Variants in IMMP2L observed in about 807,000 individuals in gnomAD.
IMMP2L encodes inner mitochondrial membrane peptidase subunit 2, also known as mitochondrial inner membrane protease subunit 2.
In IMMP2L, 18 loss-of-function variants were observed where a neutral mutation model predicts 19.3. The observed-to-expected ratio is 0.93, with a 90% CI of 0.64 to 1.38. The LOEUF (loss-of-function observed/expected upper bound fraction) is 1.38. Among genes scored for constraint, IMMP2L ranks in the 40% most tolerant of loss-of-function variants. The pLI, the probability that IMMP2L is intolerant of heterozygous loss-of-function variation, is 0.00. For synonymous variants in IMMP2L, 76 were observed against 73.0 expected, an observed-to-expected ratio of 1.04 and a Z score of -0.21; for missense variants, 233 against 218.2, an observed-to-expected ratio of 1.07 and a Z score of -0.43.
chr7:111,270,302 T>C (rs762631937), intron 3 of IMMP2L, among the ~76,000 whole-genome samples: 5 of 152,202 alleles, frequency 3.3e-5, no homozygotes, highest in Non-Finnish European at 5.9e-5. Flanking sequence ...TCTCCCATTA[T>C]GATAAACTTC....
At chr7:110,807,625 T>C (rs1267267361) in intron 5 of IMMP2L, among the ~76,000 whole-genome samples, 2 of 152,070 alleles carry the variant, frequency 1.3e-5, no homozygotes, top group South Asian at 2.1e-4. Context: ...TAAATAAATA[T>C]ACATGAAGAC....
intron 3 of IMMP2L, among the ~76,000 whole-genome samples, chr7:111,482,840 A>G (rs1195950078): frequency 1.3e-5 from 2 of 152,158 alleles, no homozygotes; most frequent in Non-Finnish European, 2.9e-5. Context: ...GGCATCAAAC[A>G]TTAAAGAGGC....
At chr7:110,896,637 ACTGAGGTATTTTCGTATGTTAT>A (rs1811350482) in intron 4 of IMMP2L, among the ~76,000 whole-genome samples, 1 of 27,484 alleles carries the variant, frequency 3.6e-5, no homozygotes. Flanking sequence ...ATTTCAAAAT[ACTGAGGTATTTTCGTATGTTAT>A]TTTACATATA....
chr7:111,505,477 T>C (rs1162356384), intron 2 of IMMP2L, among the ~76,000 whole-genome samples: 1 of 152,146 alleles, frequency 6.6e-6, no homozygotes, highest in Non-Finnish European at 1.5e-5. Flanking sequence ...TTGCTGGGTA[T>C]ATACCCAAAG....
chr7:111,139,627 A>G (rs1428614061), intron 3 of IMMP2L, among the ~76,000 whole-genome samples: 1 of 152,174 alleles, frequency 6.6e-6, no homozygotes, highest in Non-Finnish European at 1.5e-5. Flanking sequence ...ATGCAAGTTA[A>G]TCATCTCTCC....
intron 5 of IMMP2L, among the ~76,000 whole-genome samples, chr7:110,832,279 AAAC>A (rs1434246795): frequency 8.4e-6 from 1 of 119,086 alleles, no homozygotes; most frequent in Non-Finnish European, 2.0e-5. Flanking sequence ...AAGAAAAAAC[AAAC>A]AAAAAAACCC....
chr7:110,807,109 TA>T (rs1178824048), intron 5 of IMMP2L, among the ~76,000 whole-genome samples: 7 of 152,130 alleles, frequency 4.6e-5, no homozygotes, highest in Middle Eastern at 3.4e-3. Context: ...CTCTTAGTTT[TA>T]AAATCTTACT....
At chr7:110,892,929 C>G (rs1009562143) in intron 4 of IMMP2L, among the ~76,000 whole-genome samples, 1 of 152,108 alleles carries the variant, frequency 6.6e-6, no homozygotes, top group Non-Finnish European at 1.5e-5. Context: ...CTACCCCACC[C>G]TCATCCTTGG....
chr7:111,014,023 T>C (rs1003849507), intron 3 of IMMP2L, among the ~76,000 whole-genome samples: 1 of 152,120 alleles, frequency 6.6e-6, no homozygotes, highest in African/African-American at 2.4e-5. Context: ...TTCATTATTT[T>C]GCTGGCAATT....
chr7:110,975,660 T>C (rs752664073), intron 3 of IMMP2L, among the ~76,000 whole-genome samples: 11 of 152,090 alleles, frequency 7.2e-5, no homozygotes, highest in African/African-American at 1.4e-4. Context: ...CATAATGACC[T>C]AGTGTCATAT....
intron 3 of IMMP2L, among the ~76,000 whole-genome samples, chr7:111,226,935 A>C (rs571993505): frequency 4.3e-4 from 65 of 152,140 alleles, no homozygotes; most frequent in Admixed American, 2.8e-3. Context: ...TCAAGATAAT[A>C]ATCAGTGGAG....
At chr7:110,699,241 A>G (rs903181064) in intron 5 of IMMP2L, among the ~76,000 whole-genome samples, 2 of 152,162 alleles carry the variant, frequency 1.3e-5, no homozygotes, top group Admixed American at 1.3e-4. Context: ...AGACTATGTG[A>G]CAACCTCAAC....
intron 3 of IMMP2L, among the ~76,000 whole-genome samples, chr7:111,159,961 CA>C (rs1306250723): frequency 6.6e-6 from 1 of 151,938 alleles, no homozygotes; most frequent in Non-Finnish European, 1.5e-5. Flanking sequence ...TCAAGTGCTC[CA>C]AAGCTAATGG....
At chr7:111,551,802 T>C (rs776541705) in intron 1 of IMMP2L, among the ~76,000 whole-genome samples, 33 of 151,980 alleles carry the variant, frequency 2.2e-4, no homozygotes, top group Non-Finnish European at 8.8e-5. Flanking sequence ...TAAGCACCAG[T>C]GAAGTACAAA....
intron 1 of IMMP2L, among the ~76,000 whole-genome samples, chr7:111,558,643 G>A (rs1421904602): frequency 6.6e-6 from 1 of 152,106 alleles, no homozygotes; most frequent in Non-Finnish European, 1.5e-5. Context: ...ACGTGGTCCA[G>A]CCATTCTAGG....
chr7:111,434,270 C>A (rs550709369), intron 3 of IMMP2L, among the ~76,000 whole-genome samples: 2 of 151,852 alleles, frequency 1.3e-5, no homozygotes, highest in African/African-American at 4.9e-5. Flanking sequence ...TGGACCCATA[C>A]CTGTCACAAA....
chr7:110,683,930 A>G (rs1297676024), intron 5 of IMMP2L, among the ~76,000 whole-genome samples: 1 of 152,142 alleles, frequency 6.6e-6, no homozygotes, highest in Non-Finnish European at 1.5e-5. Flanking sequence ...AGGGTCATTC[A>G]ACATTCAATC....
At chr7:110,731,810 G>T (rs1435354177) in intron 5 of IMMP2L, among the ~76,000 whole-genome samples, 1 of 152,094 alleles carries the variant, frequency 6.6e-6, no homozygotes, top group African/African-American at 2.4e-5. Context: ...CGATAAAAGG[G>T]ACTTAACTAA....
chr7:111,492,765 A>G (rs1337606303), intron 2 of IMMP2L, among the ~76,000 whole-genome samples: 1 of 152,216 alleles, frequency 6.6e-6, no homozygotes, highest in Non-Finnish European at 1.5e-5. Flanking sequence ...CCAATAGTGA[A>G]GTAAGTATTA....
Sources: allele counts gnomAD v4.1 joint callset (sites outside exome capture counted in the v4.1 genomes callset), GRCh38; gene constraint gnomAD v4.1.1; transcripts MANE v1.5; gene names NCBI Gene and HGNC (gene_info 2026-07-23, HGNC 2026-07-21).